Variants in RABGAP1L observed in about 807,000 individuals in gnomAD.
RABGAP1L encodes the protein RAB GTPase activating protein 1 like.
Under a neutral mutation model 137.7 loss-of-function variants are expected in RABGAP1L, and 63 were observed. The observed-to-expected ratio is 0.46, with a 90% CI of 0.37 to 0.56. RABGAP1L has a LOEUF of 0.56. RABGAP1L is among the 20% of genes least tolerant of loss of function. The pLI is 0.00. For missense variants in RABGAP1L, 1,095 were observed against 1,244.0 expected (o/e 0.88, Z 1.80); for synonymous variants, 431 against 433.7 (o/e 0.99, Z 0.08).
chr1:174,643,836 C>T (rs985353215), intron 14 of RABGAP1L, among the ~76,000 whole-genome samples: 1 of 151,584 alleles, frequency 6.6e-6, no homozygotes, highest in Non-Finnish European at 1.5e-5. Context: ...ATGTTTATAT[C>T]TATTTAGAAC....
At chr1:174,517,337 A>G (rs1410631342) in intron 13 of RABGAP1L, among the ~76,000 whole-genome samples, 5 of 152,196 alleles carry the variant, frequency 3.3e-5, no homozygotes, top group Non-Finnish European at 5.9e-5. Flanking sequence ...TTTGAGAGAA[A>G]CATACCTTTT....
intron 19 of RABGAP1L, chr1:174,850,001 A>T (rs1647978366): frequency 4.4e-6 from 3 of 676,028 alleles, no homozygotes; most frequent in Non-Finnish European, 7.9e-6. Context: ...TGTCATCTTT[A>T]TGAGCAATCT....
intron 13 of RABGAP1L, among the ~76,000 whole-genome samples, chr1:174,481,282 C>T (rs1164627077): frequency 6.6e-6 from 1 of 152,206 alleles, no homozygotes; most frequent in African/African-American, 2.4e-5. Flanking sequence ...TGTGTTCCTT[C>T]ATCTATGCCA....
At chr1:174,920,703 A>G (rs1202082171) in intron 19 of RABGAP1L, among the ~76,000 whole-genome samples, 1 of 152,192 alleles carries the variant, frequency 6.6e-6, no homozygotes, top group African/African-American at 2.4e-5. Flanking sequence ...GTTCTAATCC[A>G]ATATGATTAG....
intron 11 of RABGAP1L, among the ~76,000 whole-genome samples, chr1:174,314,456 G>C (rs1410962114): frequency 6.6e-6 from 1 of 151,656 alleles, no homozygotes; most frequent in East Asian, 1.9e-4. Context: ...CAAGAAACCA[G>C]TGGTTTGTTT....
chr1:174,262,283 G>C (rs913608192), intron 7 of RABGAP1L, among the ~76,000 whole-genome samples: 4 of 152,154 alleles, frequency 2.6e-5, no homozygotes, highest in South Asian at 2.1e-4. Context: ...CACCCAGTGG[G>C]GAGAGGCGGC....
chr1:174,609,443 A>G (rs978699991), intron 13 of RABGAP1L, among the ~76,000 whole-genome samples: 7 of 152,170 alleles, frequency 4.6e-5, no homozygotes, highest in Admixed American at 2.0e-4. Context: ...CATGACATAC[A>G]TATCAAAAGC....
At chr1:174,821,186 A>G (rs3018409) in intron 19 of RABGAP1L, among the ~76,000 whole-genome samples, 151,972 of 152,286 alleles carry the variant, frequency 1, 75,833 homozygotes, top group Middle Eastern at 1. Flanking sequence ...CATGATTAAG[A>G]GTTGGAAATG....
chr1:174,732,877 C>T (rs970383549), intron 17 of RABGAP1L, among the ~76,000 whole-genome samples: 5 of 152,142 alleles, frequency 3.3e-5, no homozygotes, highest in Admixed American at 2.0e-4. Context: ...AGTGATATTT[C>T]ATGGTCTATT....
chr1:174,494,679 A>T (rs1049490895), intron 13 of RABGAP1L, among the ~76,000 whole-genome samples: 13 of 152,164 alleles, frequency 8.5e-5, no homozygotes, highest in Non-Finnish European at 1.6e-4. Context: ...GTCTTTTAGA[A>T]TGTCATTTTA....
At chr1:174,566,326 T>G (rs1045505954) in intron 13 of RABGAP1L, among the ~76,000 whole-genome samples, 1 of 152,158 alleles carries the variant, frequency 6.6e-6, no homozygotes, top group African/African-American at 2.4e-5. Context: ...TGTTTTAATT[T>G]CGTTTTTTCT....
At chr1:174,222,874 G>A (rs1218404516) in intron 3 of RABGAP1L, among the ~76,000 whole-genome samples, 1 of 152,170 alleles carries the variant, frequency 6.6e-6, no homozygotes, top group East Asian at 1.9e-4. Flanking sequence ...GGTGGCTCAT[G>A]CCTGTAATCC....
intron 12 of RABGAP1L, among the ~76,000 whole-genome samples, chr1:174,380,337 T>C (rs1686012984): frequency 6.6e-6 from 1 of 152,104 alleles, no homozygotes; most frequent in Non-Finnish European, 1.5e-5. Context: ...CTTTTTCTAT[T>C]GATTGGAATA....
intron 13 of RABGAP1L, among the ~76,000 whole-genome samples, chr1:174,513,258 T>C (rs1662513181): frequency 6.6e-6 from 1 of 152,156 alleles, no homozygotes; most frequent in South Asian, 2.1e-4. Flanking sequence ...TGTATTTGGT[T>C]TGAAATATAA....
intron 17 of RABGAP1L, among the ~76,000 whole-genome samples, chr1:174,728,752 C>T (rs2148615019): frequency 6.6e-6 from 1 of 152,190 alleles, no homozygotes; most frequent in African/African-American, 2.4e-5. Context: ...AGAGATTCTC[C>T]TGACTCAGCT....
intron 19 of RABGAP1L, among the ~76,000 whole-genome samples, chr1:174,950,958 A>G (rs1667610678): frequency 6.6e-6 from 1 of 152,226 alleles, no homozygotes; most frequent in Non-Finnish European, 1.5e-5. Flanking sequence ...ACAGAAGCAG[A>G]TTCATCAAAC....
intron 13 of RABGAP1L, among the ~76,000 whole-genome samples, chr1:174,579,682 C>A (rs1331065089): frequency 6.6e-6 from 1 of 152,168 alleles, no homozygotes; most frequent in Non-Finnish European, 1.5e-5. Context: ...TATCTCACAT[C>A]ATATACAAAA....
chr1:174,383,472 G>T (rs1686402933), intron 12 of RABGAP1L, among the ~76,000 whole-genome samples: 2 of 152,332 alleles, frequency 1.3e-5, no homozygotes, highest in South Asian at 4.1e-4. Context: ...TCTGAGCCAG[G>T]TGTGGGATAT....
rs1013656269 is a variant in RABGAP1L at position 174,989,892 on chromosome 1, C to A, written c.3047C>A (p.Ala1016Asp). 6.4e-7 allele frequency: 1 copy of A among 1,550,444 alleles called. No individual in the cohort carries two copies. Among genetic ancestry groups the A allele is most frequent in the African/African-American group, 1.4e-5 (1 of 73,018 alleles). ...QRGALMNEIQAAKNSWFSKTL... is the reference protein window; with the variant it reads ...QRGALMNEIQDAKNSWFSKTL... ...GGAGCCCTTATGAATGAAATCCAAG[C>A]TGCGAAAAACTCTTGGTTTAGCAAA... The change falls in exon 26 of 26, where the codon GCT becomes GAT. Residue 1016 changes from alanine (A) to aspartate (D), a missense_variant. Around this residue, in one of 4 missense-constraint regions of RABGAP1L, gnomAD observed 312 missense variants for 435.6 expected, o/e 0.72. Transcript: ENST00000681986.
Sources: allele counts gnomAD v4.1 joint callset (sites outside exome capture counted in the v4.1 genomes callset), GRCh38; gene constraint gnomAD v4.1.1; regional missense constraint gnomAD v4.1.1; transcripts MANE v1.5; gene names NCBI Gene and HGNC (gene_info 2026-07-23, HGNC 2026-07-21).